Variants in ACOT7 observed in about 807,000 individuals in gnomAD.
ACOT7 encodes the protein cytosolic acyl coenzyme A thioester hydrolase.
ACOT7 carries 12 observed loss-of-function variants against 40.2 expected under a neutral mutation model. The observed-to-expected ratio is 0.30, with a 90% CI of 0.19 to 0.48. The LOEUF is 0.48. Among genes scored for constraint, ACOT7 ranks in the 20% least tolerant of loss-of-function variants. The pLI is 0.99. For synonymous variants in ACOT7, 228 were observed against 219.5 expected (o/e 1.04, Z -0.34); for missense variants, 395 against 530.8 (o/e 0.74, Z 2.51).
intron 2 of ACOT7, among the ~76,000 whole-genome samples, chr1:6,344,772 AAAAAAAAAAAAAAAAAAAG>A (rs1414682874): frequency 8.2e-6 from 1 of 122,194 alleles, no homozygotes; most frequent in African/African-American, 3.7e-5. Context: ...TCAAAAAAAA[AAAAAAAAAAAAAAAAAAAG>A]AAAAGAAGAA....
chr1:6,281,486 A>G (rs1639359176), intron 7 of ACOT7, among the ~76,000 whole-genome samples, 200 bp from the exon 8 acceptor site: 1 of 152,250 alleles, frequency 6.6e-6, no homozygotes, highest in Non-Finnish European at 1.5e-5. Context: ...GAGCAGGTTT[A>G]TCTACGCTAA....
intron 1 of ACOT7, among the ~76,000 whole-genome samples, chr1:6,387,343 A>C (rs1053827707): frequency 6.6e-6 from 1 of 152,204 alleles, no homozygotes; most frequent in Admixed American, 6.5e-5. Context: ...GCAAACTACA[A>C]AACAATTATC....
intron 7 of ACOT7, among the ~76,000 whole-genome samples, chr1:6,291,210 A>G (rs1349762184): frequency 6.6e-6 from 1 of 152,240 alleles, no homozygotes; most frequent in Non-Finnish European, 1.5e-5. Context: ...CTTAGCAGGT[A>G]TAATTAAGCA....
intron 2 of ACOT7, among the ~76,000 whole-genome samples, chr1:6,340,103 C>T (rs376523327): frequency 0.016 from 2,387 of 150,788 alleles, 71 homozygotes; most frequent in African/African-American, 0.057. Context: ...GTAGCTGGGA[C>T]TACAGGCGCC....
At chr1:6,323,730 AAAAAAAAATATATATATATAT>A (rs1640714025) in intron 5 of ACOT7, among the ~76,000 whole-genome samples, 1 of 96,654 alleles carries the variant, frequency 1.0e-5, no homozygotes, top group Admixed American at 9.9e-5. Context: ...AAAAAAAAAA[AAAAAAAAATATATATATATAT>A]ATATATATAT....
Position 6,393,430 on chromosome 1 carries a change from G to C in ACOT7, c.-31C>G. ...GGGAGGGCAGAGGTGGAGCGATGGG[G>C]CTGGTGAGGCGGGGCCTGCGCGCCG... On this transcript the variant is annotated 5_prime_UTR_variant, in exon 1 of 9. Transcript: ENST00000361521. 4 of 1,205,914 alleles carry C rather than the reference G, an allele frequency of 3.3e-6. No homozygotes were observed. Among genetic ancestry groups the C allele is most frequent in the Non-Finnish European group, 3.1e-6 (3 of 973,332 alleles). 74.7% of individuals were successfully genotyped at this position (1,205,914 alleles called of 1,614,324 possible). A position where few individuals can be genotyped will look rare whatever the true frequency, so the allele number is the denominator to read the frequency against.
intron 1 of ACOT7, among the ~76,000 whole-genome samples, chr1:6,382,054 C>T (rs955584920): frequency 6.6e-6 from 1 of 151,134 alleles, no homozygotes; most frequent in Non-Finnish European, 1.5e-5. Context: ...AGGAGAATGG[C>T]ATGAACCCGG....
intron 2 of ACOT7, among the ~76,000 whole-genome samples, chr1:6,346,060 A>C (rs1232100811): frequency 1.3e-5 from 2 of 152,146 alleles, no homozygotes; most frequent in African/African-American, 2.4e-5. Flanking sequence ...CAGCAGCTGG[A>C]AGCAGAGAGG....
chr1:6,341,480 C>T lies in ACOT7; in HGVS notation c.262-1891G>A, dbSNP rs145354154. 6.0e-3 allele frequency among the ~76,000 whole-genome samples: 913 copies of T among 151,912 alleles called. 4 individuals carry two copies. Among genetic ancestry groups the T allele is most frequent in the Non-Finnish European group, 0.011 (725 of 67,938 alleles). Reference sequence around the variant, plus strand: ...AAAAGTGGCCAGGTGTGGTGGCTCACGCCTGTAATCCCAGCACTTCGGGAG... The same window carrying T: ...AAAAGTGGCCAGGTGTGGTGGCTCATGCCTGTAATCCCAGCACTTCGGGAG... On this transcript the variant is annotated intron_variant, in intron 2 of 8. Coordinates refer to ENST00000361521, the MANE Select transcript of ACOT7 (RefSeq NM_007274.4).
intron 8 of ACOT7, among the ~76,000 whole-genome samples, chr1:6,277,104 C>T (rs1055109969): frequency 6.6e-6 from 1 of 152,214 alleles, no homozygotes; most frequent in Non-Finnish European, 1.5e-5. Flanking sequence ...AGGCTGCTAT[C>T]CACACAAGGG....
chr1:6,353,200 C>A (rs900033963), intron 1 of ACOT7, among the ~76,000 whole-genome samples: 4 of 151,916 alleles, frequency 2.6e-5, no homozygotes, highest in African/African-American at 9.7e-5. Flanking sequence ...AGGCTGGGCG[C>A]AGTGGCTACT....
At chr1:6,272,395 G>A (rs548411854) in intron 8 of ACOT7, among the ~76,000 whole-genome samples, 1 of 149,110 alleles carries the variant, frequency 6.7e-6, no homozygotes, top group South Asian at 2.1e-4. Flanking sequence ...AGGGGGCTCA[G>A]ACCATGGAGG....
At chr1:6,308,818 A>C (rs1234910829) in intron 6 of ACOT7, among the ~76,000 whole-genome samples, 1 of 152,088 alleles carries the variant, frequency 6.6e-6, no homozygotes. Context: ...CGGAGGGAAA[A>C]GCGACTGGGC....
At chr1:6,369,724 G>A (rs542681874) in intron 1 of ACOT7, among the ~76,000 whole-genome samples, 1 of 151,674 alleles carries the variant, frequency 6.6e-6, no homozygotes, top group Non-Finnish European at 1.5e-5. Flanking sequence ...GACTACAGGC[G>A]CCCACCACCA....
intron 8 of ACOT7, among the ~76,000 whole-genome samples, chr1:6,269,046 G>T (rs1638941797): frequency 1.3e-5 from 2 of 152,324 alleles, no homozygotes; most frequent in South Asian, 4.1e-4. Flanking sequence ...CATGCTTAGG[G>T]CGCGGCAGGC....
At chr1:6,350,964 G>A (rs3827718) in intron 1 of ACOT7, among the ~76,000 whole-genome samples, 12,386 of 152,266 alleles carry the variant, frequency 0.081, 852 homozygotes, top group African/African-American at 0.18. Flanking sequence ...GGGAGATCAC[G>A]CAGATCGCAC....
Position 6,306,660 on chromosome 1 carries a change from G to A in ACOT7, c.713-11680C>T, listed in dbSNP as rs183982537. 2,055 of 985,338 alleles carry A rather than the reference G, an allele frequency of 2.1e-3. 1 individual carries two copies. The highest frequency in any genetic ancestry group is 3.2e-3 in the South Asian group (67 of 21,268). 61.0% of individuals were successfully genotyped at this position (985,338 alleles called of 1,614,324 possible). Reference sequence around the variant, plus strand: ...TCAGCTTCACGAGGAAGAAAGCGGCGTCCCAAAGCATTTGTTTGTTCACCT... The same window carrying A: ...TCAGCTTCACGAGGAAGAAAGCGGCATCCCAAAGCATTTGTTTGTTCACCT... On this transcript the variant is annotated intron_variant, in intron 6 of 8. Transcript: ENST00000361521. This position sits in a 1 kb window ranked among gnomAD's most constrained non-coding sequence, Gnocchi z 4.3.
intron 1 of ACOT7, among the ~76,000 whole-genome samples, chr1:6,363,823 C>A (rs1641943666): frequency 6.6e-6 from 1 of 152,200 alleles, no homozygotes; most frequent in Admixed American, 6.5e-5. Context: ...CCGGGCCCAG[C>A]TGTCTTTTAT....
At position 6,393,513 on chromosome 1, in the gene ACOT7, G is replaced by T. The variant is rs1251175269; in HGVS notation, c.-114C>A. 2.0e-6 allele frequency: 2 copies of T among 975,752 alleles called. No homozygotes were observed. The highest frequency in any genetic ancestry group is 2.6e-6 in the Non-Finnish European group (2 of 765,092). The allele number at this position is 975,752 out of a possible 1,614,324, so 60.4% of individuals were successfully genotyped here. On this transcript the variant is annotated 5_prime_UTR_variant, in exon 1 of 9. Coordinates refer to ENST00000361521, the MANE Select transcript of ACOT7 (RefSeq NM_007274.4). ...CCCGCCCCCGCGCCGGCCCCACCCC[G>T]AGCCCCGCCTCCCAGGCCGCCAAGG...
Sources: allele counts gnomAD v4.1 joint callset (sites outside exome capture counted in the v4.1 genomes callset), GRCh38; gene constraint gnomAD v4.1.1; non-coding constraint Gnocchi (gnomAD v3.1); transcripts MANE v1.5; gene names NCBI Gene and HGNC (gene_info 2026-07-23, HGNC 2026-07-21).